Variants in CSE1L observed in about 807,000 individuals in gnomAD.
CSE1L encodes the protein exportin-2.
Under a neutral mutation model 120.4 loss-of-function variants are expected in CSE1L, and 24 were observed. The observed-to-expected ratio is 0.20, with a 90% CI of 0.14 to 0.28. The LOEUF is 0.28. CSE1L is among the 10% of genes least tolerant of loss of function. The pLI is 1.00. For synonymous variants in CSE1L, 402 were observed against 398.3 expected (o/e 1.01, Z -0.11); for missense variants, 830 against 1,145.2 (o/e 0.72, Z 3.97).
intron 3 of CSE1L, among the ~76,000 whole-genome samples, chr20:49,064,274 A>G (rs1001464264): frequency 3.9e-5 from 6 of 152,272 alleles, no homozygotes; most frequent in African/African-American, 1.2e-4. Flanking sequence ...GCAGTTGACA[A>G]AAATCATCAG....
intron 10 of CSE1L, among the ~76,000 whole-genome samples, chr20:49,074,222 C>T (rs138712515): frequency 8.3e-5 from 10 of 121,064 alleles, no homozygotes; most frequent in East Asian, 2.5e-4. Flanking sequence ...TGTGTGTAGA[C>T]TTTTTTTTTT....
intron 6 of CSE1L, among the ~76,000 whole-genome samples, chr20:49,067,754 A>G (rs2091904069): frequency 6.6e-6 from 1 of 151,610 alleles, no homozygotes; most frequent in Non-Finnish European, 1.5e-5. Context: ...TTTTTTAAAG[A>G]CAGGGTCTCA....
intron 6 of CSE1L, among the ~76,000 whole-genome samples, chr20:49,067,995 C>T (rs1234074367): frequency 5.6e-5 from 8 of 143,152 alleles, no homozygotes; most frequent in African/African-American, 5.3e-5. Flanking sequence ...CTCCGCCTCC[C>T]GGGTTCAAGC....
At chr20:49,061,363 A>G (rs1044787952) in intron 2 of CSE1L, among the ~76,000 whole-genome samples, 20 of 150,554 alleles carry the variant, frequency 1.3e-4, no homozygotes, top group African/African-American at 4.4e-4. Flanking sequence ...TAGTAGAGAC[A>G]GGGTTTCACC....
chr20:49,083,132 C>T (rs2092027219), intron 14 of CSE1L, among the ~76,000 whole-genome samples: 1 of 151,770 alleles, frequency 6.6e-6, no homozygotes. Context: ...TGAAGCCATT[C>T]TTCTGCCTCA....
intron 1 of CSE1L, among the ~76,000 whole-genome samples, chr20:49,047,554 TTTCTCTTTTC>T (rs1568757181): frequency 2.9e-5 from 4 of 135,976 alleles, no homozygotes; most frequent in African/African-American, 1.1e-4. Flanking sequence ...TTCTTTTTCT[TTTCTCTTTTC>T]TTTTTTTTTT....
intron 10 of CSE1L, among the ~76,000 whole-genome samples, chr20:49,074,467 T>C (rs1348737104): frequency 6.6e-6 from 1 of 152,140 alleles, no homozygotes; most frequent in Admixed American, 6.6e-5. Context: ...ATGTTCTTAT[T>C]TGGTGAAATT....
At chr20:49,080,713 C>T (rs571637290) in intron 14 of CSE1L, among the ~76,000 whole-genome samples, 3 of 152,158 alleles carry the variant, frequency 2.0e-5, no homozygotes, top group African/African-American at 7.2e-5. Flanking sequence ...CTACCTCAGG[C>T]GATCCGCCTG....
At chr20:49,070,183 C>T (rs1264515609) in intron 7 of CSE1L, 22 bp from the exon 8 acceptor site, 1 of 1,131,332 alleles carries the variant, frequency 8.8e-7, no homozygotes, top group East Asian at 2.5e-5. Flanking sequence ...TCAAAAGTTT[C>T]AAGTCAGTGT....
chr20:49,067,910 CTTT>C (rs1312608852), intron 6 of CSE1L, among the ~76,000 whole-genome samples: 1 of 82,974 alleles, frequency 1.2e-5, no homozygotes, highest in South Asian at 4.2e-4. Context: ...TGCTTTTTCT[CTTT>C]TTTTTTCCCT....
intron 16 of CSE1L, among the ~76,000 whole-genome samples, chr20:49,087,531 A>G (rs1235988044): frequency 3.3e-5 from 5 of 151,390 alleles, no homozygotes; most frequent in African/African-American, 1.2e-4. Flanking sequence ...TAATTTTGCT[A>G]TTTTTAATGG....
rs200352443 is a variant in CSE1L at position 49,074,868 on chromosome 20, T to C, written c.1132+18T>C. 3.2e-5 allele frequency: 51 copies of C among 1,598,032 alleles called. No individual in the cohort carries two copies. The highest frequency in any genetic ancestry group is 4.2e-5 in the Non-Finnish European group (49 of 1,169,720). On this transcript the variant is annotated intron_variant, in intron 11 of 24. Coordinates refer to ENST00000262982, the MANE Select transcript of CSE1L (RefSeq NM_001316.4). ...AGGATCTGGTGTGTATCTTGGTTTT[T>C]TAGTTACTAGTCTCTTAGCAAGCCA...
chr20:49,072,356 A>G lies in CSE1L; in HGVS notation c.839A>G (p.Gln280Arg). ...QICDNAALYAQKYDEEFQRYL... is the reference protein window; with the variant it reads ...QICDNAALYARKYDEEFQRYL... ...TGTGATAATGCCGCACTCTATGCAC[A>G]AAAGTACGATGAAGAATTCCAGCGA... The change falls in exon 9 of 25, where the codon CAA (glutamine) becomes CGA (arginine). Residue 280 changes from glutamine to arginine, a missense_variant. Gln to Arg is a conservative substitution (Grantham distance 43, BLOSUM62 1). Coordinates refer to ENST00000262982, the MANE Select transcript of CSE1L (RefSeq NM_001316.4). 2 of 1,614,214 alleles carry G rather than the reference A, an allele frequency of 1.2e-6. No homozygotes were observed. Among genetic ancestry groups the G allele is most frequent in the East Asian group, 2.2e-5 (1 of 44,876 alleles).
chr20:49,053,064 A>T (rs535599211), intron 1 of CSE1L, among the ~76,000 whole-genome samples: 1 of 151,802 alleles, frequency 6.6e-6, no homozygotes, highest in Non-Finnish European at 1.5e-5. Flanking sequence ...AGTCCCAGCT[A>T]TTCCAGAGGC....
chr20:49,087,173 ATT>A (rs1198618921), intron 16 of CSE1L, among the ~76,000 whole-genome samples: 1 of 151,954 alleles, frequency 6.6e-6, no homozygotes, highest in East Asian at 1.9e-4. Flanking sequence ...TTTGAGCAAT[ATT>A]TTTGCAATTT....
Position 49,087,887 on chromosome 20 carries a change from G to A in CSE1L, c.1724-122G>A, listed in dbSNP as rs368269143. 368 of 609,388 alleles carry A rather than the reference G, an allele frequency of 6.0e-4. 5 individuals carry two copies. In the South Asian group the frequency reaches 7.5e-3, roughly 12 times the overall value. The allele number at this position is 609,388 out of a possible 1,614,324, so 37.7% of individuals were successfully genotyped here. A position where few individuals can be genotyped will look rare whatever the true frequency, so the allele number is the denominator to read the frequency against. ...ATTTTTAAATGTAGAGAGCTATCTC[G>A]GGGTTGTCTAAGCATCTTAAAATTT... is the stretch of plus-strand genomic sequence containing the variant. On this transcript the variant is annotated intron_variant, in intron 16 of 24. Coordinates refer to ENST00000262982, the MANE Select transcript of CSE1L (RefSeq NM_001316.4).
chr20:49,062,807 T>A (rs962870257), intron 2 of CSE1L, among the ~76,000 whole-genome samples: 14 of 151,930 alleles, frequency 9.2e-5, no homozygotes, highest in African/African-American at 3.4e-4. Flanking sequence ...CATTTGCTCT[T>A]CATCACTAGC....
chr20:49,049,086 C>G (rs903281084), intron 1 of CSE1L, among the ~76,000 whole-genome samples: 2 of 152,178 alleles, frequency 1.3e-5, no homozygotes, highest in Non-Finnish European at 2.9e-5. Flanking sequence ...ATTTAGATGT[C>G]TGCCATAACT....
intron 22 of CSE1L, among the ~76,000 whole-genome samples, chr20:49,093,714 C>T (rs181000903): frequency 6.6e-6 from 1 of 151,294 alleles, no homozygotes; most frequent in Non-Finnish European, 1.5e-5. Context: ...GTCAGGAGTT[C>T]GAGATCAGCC....
Sources: gnomAD v4.1 joint callset for allele counts (sites outside exome capture counted in the v4.1 genomes callset) on GRCh38, gnomAD v4.1.1 for gene constraint, MANE v1.5 for transcripts, NCBI Gene and HGNC (gene_info 2026-07-23, HGNC 2026-07-21) for gene names.